The following PPARA variants were observed in gnomAD, a reference collection of about 807,000 sequenced individuals.
The protein encoded by PPARA is peroxisome proliferator-activated receptor alpha.
Under a neutral mutation model 42.2 loss-of-function variants are expected in PPARA, and 22 were observed. The observed-to-expected ratio is 0.52, with a 90% CI of 0.37 to 0.74. The LOEUF is 0.74. Ranked by LOEUF, PPARA falls within the 30% of genes least tolerant of loss-of-function variation. The pLI is 0.00. For synonymous variants in PPARA, 242 were observed against 239.3 expected, an observed-to-expected ratio of 1.01 and a Z score of -0.10; for missense variants, 465 against 608.2, an observed-to-expected ratio of 0.76 and a Z score of 2.48.
In PPARA at chr22:46,196,633, A is replaced by G. The variant is rs758412875; in HGVS notation, c.-42-1709A>G. The stretch of plus-strand genomic sequence containing the variant: ...GGCCTTCCCTGGCCTCACCCCGGAC[A>G]CTCCACACGTGCATTCATTTCGTTG... On this transcript the variant is annotated intron_variant, in intron 3 of 8. Transcript: ENST00000407236. This position sits in a 1 kb window ranked among gnomAD's most constrained non-coding sequence, Gnocchi z 5.6. Among the ~76,000 whole-genome samples, 1 of 151,436 alleles carries G rather than the reference A, an allele frequency of 6.6e-6. No homozygotes were observed. The highest frequency in any genetic ancestry group is 1.5e-5 in the Non-Finnish European group (1 of 67,890).
At chr22:46,159,697 G>C (rs1351521931) in intron 2 of PPARA, among the ~76,000 whole-genome samples, 1 of 152,202 alleles carries the variant, frequency 6.6e-6, no homozygotes, top group Non-Finnish European at 1.5e-5. Flanking sequence ...AATTTTTTAA[G>C]TTCAATTATG....
chr22:46,209,220 A>G (rs1601754046), intron 4 of PPARA, among the ~76,000 whole-genome samples: 1 of 152,024 alleles, frequency 6.6e-6, no homozygotes, highest in African/African-American at 2.4e-5. Context: ...CTTGCCAACC[A>G]CTTGTTATCT....
chr22:46,162,292 A>G lies in PPARA; in HGVS notation c.-127+10322A>G, dbSNP rs1024508359. Among the ~76,000 whole-genome samples the G allele has an allele frequency of 6.6e-6, 1 of 151,956 alleles. No individual in the cohort carries two copies. The highest frequency in any genetic ancestry group is 2.4e-5 in the African/African-American group (1 of 41,362). On this transcript the variant is annotated intron_variant, in intron 2 of 8. Coordinates refer to ENST00000407236, the MANE Select transcript of PPARA (RefSeq NM_005036.6). The surrounding 1 kb of genome is among the most constrained non-coding windows in gnomAD (Gnocchi z 6.0). ...ATCTTAATGTTGTCCCATCCATCCA[A>G]TGTTTATGGGATGAGAGGTTGATAG...
In PPARA at chr22:46,174,153, G is replaced by A. The variant is rs571662924; in HGVS notation, c.-126-2600G>A. On this transcript the variant is annotated intron_variant, in intron 2 of 8. Coordinates refer to ENST00000407236, the MANE Select transcript of PPARA (RefSeq NM_005036.6). ...AGATTGCACCACTGCACTGCAGCCTGGCAACAGAGCAAGACTCTGTCTTGA... is the reference window on the plus strand; with the variant it reads ...AGATTGCACCACTGCACTGCAGCCTAGCAACAGAGCAAGACTCTGTCTTGA... Among the ~76,000 whole-genome samples the A allele has an allele frequency of 1.3e-4, 19 of 150,204 alleles. No homozygotes were observed. In the South Asian group the frequency reaches 3.6e-3, roughly 29 times the overall value.
At chr22:46,205,519 C>CTTATATATATATAT (rs1933148097) in intron 4 of PPARA, among the ~76,000 whole-genome samples, 1 of 34,430 alleles carries the variant, frequency 2.9e-5, no homozygotes. Flanking sequence ...CATGCCCAGC[C>CTTATATATATATAT]ATATATATAT....
At chr22:46,186,721 T>A (rs1304843562) in intron 3 of PPARA, among the ~76,000 whole-genome samples, 3 of 151,712 alleles carry the variant, frequency 2.0e-5, no homozygotes, top group East Asian at 1.9e-4. Flanking sequence ...TCAAAAAAAA[T>A]AAATAAATAA....
rs960813389 is a variant in PPARA, at chr22:46,236,259, CA to C, written c.*889del. On this transcript the variant is annotated 3_prime_UTR_variant, in exon 9 of 9. Transcript: ENST00000407236. The surrounding 1 kb of genome is among the most constrained non-coding windows in gnomAD (Gnocchi z 5.2). ...AGACTCTGTCTTAAAAACAAACAAA[CA>C]AAAAAAAAATCTGTTAGATAAGCTA... is the stretch of plus-strand genomic sequence containing the variant. 4.2e-4 allele frequency: 63 copies of C among 149,336 alleles called. No individual in the cohort carries two copies. Among genetic ancestry groups the C allele is most frequent in the African/African-American group, 3.4e-4 (14 of 40,762 alleles). The allele number at this position is 149,336 out of a possible 1,614,324, so 9.3% of individuals were successfully genotyped here. A position where few individuals can be genotyped will look rare whatever the true frequency, so the allele number is the denominator to read the frequency against.
At position 46,232,438 on chromosome 22, in the gene PPARA, ATTG is replaced by A. The variant is rs1935940699; in HGVS notation, c.1159+202_1159+204del. Among the ~76,000 whole-genome samples the A allele has an allele frequency of 6.6e-6, 1 of 150,884 alleles. No homozygotes were observed. The highest frequency in any genetic ancestry group is 1.5e-5 in the Non-Finnish European group (1 of 67,478). On this transcript the variant is annotated intron_variant, in intron 8 of 8. Transcript: ENST00000407236. This position sits in a 1 kb window ranked among gnomAD's most constrained non-coding sequence, Gnocchi z 5.3. ...AATATTGTATAATATTATAGTATAT[ATTG>A]TTATTATCTATAAATACATATTTAA...
chr22:46,211,909 G>A lies in PPARA; in HGVS notation c.209-3264G>A, dbSNP rs1933973111. On this transcript the variant is annotated intron_variant, in intron 4 of 8. Coordinates refer to ENST00000407236, the MANE Select transcript of PPARA (RefSeq NM_005036.6). The surrounding 1 kb of genome is among the most constrained non-coding windows in gnomAD (Gnocchi z 4.1). ...ATGTTTCACTATGTGGGCCAGGCTGGTCTCGAACTCCTGACCTTGTGATCC... is the reference window on the plus strand; with the variant it reads ...ATGTTTCACTATGTGGGCCAGGCTGATCTCGAACTCCTGACCTTGTGATCC... Among the ~76,000 whole-genome samples, 1 of 152,146 alleles carries A rather than the reference G, an allele frequency of 6.6e-6. No homozygotes were observed. Among genetic ancestry groups the A allele is most frequent in the Non-Finnish European group, 1.5e-5 (1 of 68,020 alleles).
rs779846140 is a variant in PPARA, at chr22:46,224,480, G to A, written c.711+4466G>A. ...AAATCTGTTAGGGAGACCAAGCAGC[G>A]GCCTGGAAACACCTTGATCTCTGCC... On this transcript the variant is annotated intron_variant, in intron 7 of 8. Coordinates refer to ENST00000407236, the MANE Select transcript of PPARA (RefSeq NM_005036.6). This position sits in a 1 kb window ranked among gnomAD's most constrained non-coding sequence, Gnocchi z 5.7. 9.3e-4 allele frequency among the ~76,000 whole-genome samples: 142 copies of A among 152,148 alleles called. No individual in the cohort carries two copies. Among genetic ancestry groups the A allele is most frequent in the Non-Finnish European group, 1.6e-3 (110 of 68,026 alleles).
rs563692578 is a variant in PPARA at position 46,222,454 on chromosome 22, C to T, written c.711+2440C>T. ...AAGCATTTCACAAGCTACTTACTTT[C>T]ATGAACAAACCAAACCTCTTCTTTA... On this transcript the variant is annotated intron_variant, in intron 7 of 8. Transcript: ENST00000407236. This position sits in a 1 kb window ranked among gnomAD's most constrained non-coding sequence, Gnocchi z 5.9. Among the ~76,000 whole-genome samples the T allele has an allele frequency of 3.3e-5, 5 of 152,240 alleles. No homozygotes were observed. Among genetic ancestry groups the T allele is most frequent in the African/African-American group, 1.2e-4 (5 of 41,450 alleles).
At position 46,230,098 on chromosome 22, in the gene PPARA, G is replaced by A. The variant is rs1412389376; in HGVS notation, c.712-1694G>A. ...TTAGAAATAACGCTGTAGGCCGGGC[G>A]CGGTGGCTCACCCCTGTAATCCCAG... is the stretch of plus-strand genomic sequence containing the variant. On this transcript the variant is annotated intron_variant, in intron 7 of 8. Coordinates refer to ENST00000407236, the MANE Select transcript of PPARA (RefSeq NM_005036.6). The surrounding 1 kb of genome is among the most constrained non-coding windows in gnomAD (Gnocchi z 5.0). Among the ~76,000 whole-genome samples, 9 of 152,196 alleles carry A rather than the reference G, an allele frequency of 5.9e-5. No individual in the cohort carries two copies. Among genetic ancestry groups the A allele is most frequent in the Non-Finnish European group, 1.2e-4 (8 of 68,032 alleles).
At position 46,238,831 on chromosome 22, in the gene PPARA, T is replaced by A. The variant is rs937533638; in HGVS notation, c.*3451T>A. 33 of 151,720 alleles carry A rather than the reference T, an allele frequency of 2.2e-4. No homozygotes were observed. Among genetic ancestry groups the A allele is most frequent in the African/African-American group, 7.8e-4 (32 of 40,896 alleles). The allele number at this position is 151,720 out of a possible 1,614,324, so 9.4% of individuals were successfully genotyped here. A position where few individuals can be genotyped will look rare whatever the true frequency, so the allele number is the denominator to read the frequency against. ...CACACTTCCAGAGACCGGAGAACTGTGCAGGGCCTAAGGCCGTTTGGATGA... is the reference window on the plus strand; with the variant it reads ...CACACTTCCAGAGACCGGAGAACTGAGCAGGGCCTAAGGCCGTTTGGATGA... On this transcript the variant is annotated 3_prime_UTR_variant, in exon 9 of 9. Coordinates refer to ENST00000407236, the MANE Select transcript of PPARA (RefSeq NM_005036.6). This position sits in a 1 kb window ranked among gnomAD's most constrained non-coding sequence, Gnocchi z 8.3.
intron 2 of PPARA, among the ~76,000 whole-genome samples, chr22:46,170,241 G>T (rs534508888): frequency 1.3e-5 from 2 of 150,932 alleles, no homozygotes; most frequent in African/African-American, 4.9e-5. Flanking sequence ...TGGCAGGGGG[G>T]TGGGAGTTGT....
rs572072271 is a variant in PPARA, at chr22:46,156,788, G to T, written c.-127+4818G>T. Among the ~76,000 whole-genome samples the T allele has an allele frequency of 6.6e-6, 1 of 152,188 alleles. No individual in the cohort carries two copies. The highest frequency in any genetic ancestry group is 1.5e-5 in the Non-Finnish European group (1 of 68,046). On this transcript the variant is annotated intron_variant, in intron 2 of 8. Coordinates refer to ENST00000407236, the MANE Select transcript of PPARA (RefSeq NM_005036.6). This position sits in a 1 kb window ranked among gnomAD's most constrained non-coding sequence, Gnocchi z 5.2. ...AGCTAATTTTTGTATTTTTAGTAGAGATGGAGTTTCACCATGTTGGCCAGG... is the reference window on the plus strand; with the variant it reads ...AGCTAATTTTTGTATTTTTAGTAGATATGGAGTTTCACCATGTTGGCCAGG...
intron 4 of PPARA, among the ~76,000 whole-genome samples, chr22:46,205,686 C>T (rs2147455973): frequency 6.8e-6 from 1 of 148,024 alleles, no homozygotes; most frequent in Non-Finnish European, 1.5e-5. Context: ...CATGCCTCAG[C>T]CTCTTTAGTA....
intron 6 of PPARA, 107 bp downstream of exon 6, chr22:46,218,508 C>A (rs1934702042): frequency 4.5e-6 from 7 of 1,545,076 alleles, no homozygotes; most frequent in African/African-American, 4.1e-5. Flanking sequence ...ACATTTCACA[C>A]CCAAGTCATT....
chr22:46,215,705 G>T (rs903049432), intron 5 of PPARA, among the ~76,000 whole-genome samples: 2 of 151,606 alleles, frequency 1.3e-5, no homozygotes, highest in Non-Finnish European at 2.9e-5. Context: ...TTGCGCCACT[G>T]CACTCCAGCC....
At chr22:46,174,648 C>G (rs1928738427) in intron 2 of PPARA, among the ~76,000 whole-genome samples, 1 of 151,734 alleles carries the variant, frequency 6.6e-6, no homozygotes, top group South Asian at 2.1e-4. Context: ...GAGACCCTGT[C>G]TCTACAAAAA....
Sources: allele counts gnomAD v4.1 joint callset (sites outside exome capture counted in the v4.1 genomes callset), GRCh38; gene constraint gnomAD v4.1.1; non-coding constraint Gnocchi (gnomAD v3.1); transcripts MANE v1.5; gene names NCBI Gene and HGNC (gene_info 2026-07-23, HGNC 2026-07-21).